GLDC: variants seen among roughly 807,000 people sequenced by gnomAD.
The protein encoded by GLDC is glycine dehydrogenase (decarboxylating), mitochondrial.
GLDC carries 104 observed loss-of-function variants against 121.3 expected under a neutral mutation model. The ratio of observed to expected loss-of-function variants is 0.86; its 90% confidence interval spans 0.73 to 1.01. The LOEUF (loss-of-function observed/expected upper bound fraction) is 1.01, where lower values mean the gene tolerates loss of function less well. GLDC is among the 50% of genes least tolerant of loss of function. The probability of loss-of-function intolerance (pLI) is 0.00; values close to 1 mark genes in which losing one functional copy is unlikely to be tolerated. For synonymous variants in GLDC, 546 were observed against 480.6 expected (o/e 1.14, Z -1.78); for missense variants, 1,429 against 1,306.6 (o/e 1.09, Z -1.44).
intron 2 of GLDC, among the ~76,000 whole-genome samples, chr9:6,621,660 G>A (rs1587973757): frequency 6.6e-6 from 1 of 152,158 alleles, no homozygotes; most frequent in African/African-American, 2.4e-5. Context: ...TGGGACTACA[G>A]TCGCACATCA....
At chr9:6,600,091 G>A (rs1387683707) in intron 8 of GLDC, among the ~76,000 whole-genome samples, 1 of 152,180 alleles carries the variant, frequency 6.6e-6, no homozygotes, top group Non-Finnish European at 1.5e-5. Context: ...CAGTGGCCAG[G>A]CACGGTGGCT....
At chr9:6,642,907 C>CTT (rs141406287) in intron 2 of GLDC, among the ~76,000 whole-genome samples, 12 of 148,362 alleles carry the variant, frequency 8.1e-5, no homozygotes, top group South Asian at 2.2e-4. Context: ...CTTCCTTTCT[C>CTT]TTTTTTTTTT....
At chr9:6,549,878 A>C (rs1296880433) in intron 21 of GLDC, among the ~76,000 whole-genome samples, 1 of 151,718 alleles carries the variant, frequency 6.6e-6, no homozygotes, top group Non-Finnish European at 1.5e-5. Context: ...ATGAATCCCT[A>C]CCCTCCCCTG....
chr9:6,548,732 C>T (rs868649580), intron 21 of GLDC, among the ~76,000 whole-genome samples: 22 of 152,172 alleles, frequency 1.4e-4, no homozygotes, highest in Middle Eastern at 3.2e-3. Flanking sequence ...GCTCCAGGTC[C>T]TGGTCTCTGT....
intron 7 of GLDC, among the ~76,000 whole-genome samples, 169 bp from the exon 8 acceptor site, chr9:6,602,374 C>CT (rs1563855495): frequency 6.6e-6 from 1 of 151,332 alleles, no homozygotes; most frequent in African/African-American, 2.4e-5. Context: ...AACATGATTA[C>CT]TGATTTTTTT....
chr9:6,555,157 G>A (rs1374171623), intron 18 of GLDC, among the ~76,000 whole-genome samples: 4 of 152,188 alleles, frequency 2.6e-5, no homozygotes, highest in Non-Finnish European at 4.4e-5. Flanking sequence ...CCTGAGCAGC[G>A]CTACCTTCCC....
At chr9:6,572,020 G>A (rs1817978767) in intron 15 of GLDC, among the ~76,000 whole-genome samples, 1 of 152,140 alleles carries the variant, frequency 6.6e-6, no homozygotes, top group Admixed American at 6.6e-5. Flanking sequence ...AAGTCTCACA[G>A]CTTATATAAA....
intron 15 of GLDC, among the ~76,000 whole-genome samples, chr9:6,586,185 C>T (rs768990007): frequency 5.3e-5 from 8 of 152,068 alleles, no homozygotes; most frequent in South Asian, 2.1e-4. Context: ...ATCCCAGCTA[C>T]TCGGGAGGCT....
At position 6,606,606 on chromosome 9, in the gene GLDC, G is replaced by A. The variant is rs372130842; in HGVS notation, c.699C>T (p.Val233=). 2.9e-5 allele frequency: 47 copies of A among 1,594,512 alleles called. No homozygotes were observed. The highest frequency in any genetic ancestry group is 4.0e-5 in the Non-Finnish European group (47 of 1,162,438). Residue 233 remains valine (V), a synonymous_variant, in exon 5 of 25, where the codon GTC becomes GTT. Coordinates refer to ENST00000321612, the MANE Select transcript of GLDC (RefSeq NM_000170.3). ...AAATTAATTACTTGGCTCGAGTCTGGACAACAGCTATTGTCTGTGGGTGGC... is the reference window on the plus strand; with the variant it reads ...AAATTAATTACTTGGCTCGAGTCTGAACAACAGCTATTGTCTGTGGGTGGC... The part of the protein sequence containing the change: ...PRCHPQTIAV[V]QTRAKYTGVL...
intron 2 of GLDC, among the ~76,000 whole-genome samples, chr9:6,633,571 AACTG>A (rs1399455994): frequency 1.3e-5 from 2 of 152,032 alleles, no homozygotes; most frequent in Non-Finnish European, 1.5e-5. Context: ...CCCATCTAGA[AACTG>A]ACTGACAGCC....
At chr9:6,633,158 C>A (rs1819425131) in intron 2 of GLDC, among the ~76,000 whole-genome samples, 1 of 152,220 alleles carries the variant, frequency 6.6e-6, no homozygotes, top group African/African-American at 2.4e-5. Flanking sequence ...TGCAGACTTT[C>A]TTCCCTCTTC....
Position 6,645,184 on chromosome 9 carries a change from C to G in GLDC, c.255+61G>C, listed in dbSNP as rs568239267. 29 of 1,478,246 alleles carry G rather than the reference C, an allele frequency of 2.0e-5. No individual in the cohort carries two copies. The South Asian group carries it at 3.5e-4, about 18-fold the overall frequency. 91.6% of individuals were successfully genotyped at this position (1,478,246 alleles called of 1,614,324 possible). A position where few individuals can be genotyped will look rare whatever the true frequency, so the allele number is the denominator to read the frequency against. On this transcript the variant is annotated intron_variant, in intron 1 of 24. Transcript: ENST00000321612. ...GCTCAGGGTAGGAGCCGGGAGGCCG[C>G]GCAGGCAGAGCCCGGGCAGGGCGGA...
At chr9:6,612,810 C>G (rs1315020356) in intron 3 of GLDC, among the ~76,000 whole-genome samples, 1 of 152,024 alleles carries the variant, frequency 6.6e-6, no homozygotes, top group African/African-American at 2.4e-5. Context: ...TGCAGTGAGC[C>G]AAGATCATGC....
At chr9:6,645,148 A>G (rs1819715424) in intron 1 of GLDC, 97 bp downstream of exon 1, 1 of 1,251,230 alleles carries the variant, frequency 8.0e-7, no homozygotes. Flanking sequence ...GACCACGCGG[A>G]GCGCAGCAGA....
intron 7 of GLDC, among the ~76,000 whole-genome samples, chr9:6,603,736 C>T (rs199639755): frequency 0.027 from 3,393 of 124,896 alleles, 95 homozygotes; most frequent in African/African-American, 0.085. Flanking sequence ...CCTTTTTTTT[C>T]TTTTTTTTTT....
chr9:6,615,233 A>G (rs901765133), intron 3 of GLDC, among the ~76,000 whole-genome samples: 6 of 152,180 alleles, frequency 3.9e-5, no homozygotes, highest in Non-Finnish European at 8.8e-5. Flanking sequence ...TTTTGAATTC[A>G]TAAGACATTC....
chr9:6,559,397 C>A (rs1377049843), intron 16 of GLDC, among the ~76,000 whole-genome samples: 1 of 151,058 alleles, frequency 6.6e-6, no homozygotes, highest in Non-Finnish European at 1.5e-5. Flanking sequence ...CGTCTGTAAT[C>A]CCAGTTACTC....
At chr9:6,547,759 T>C (rs1355788215) in intron 21 of GLDC, among the ~76,000 whole-genome samples, 1 of 152,180 alleles carries the variant, frequency 6.6e-6, no homozygotes, top group Admixed American at 6.5e-5. Flanking sequence ...CACAATGGAA[T>C]TGACAGTGCC....
At chr9:6,631,112 C>T (rs892443149) in intron 2 of GLDC, among the ~76,000 whole-genome samples, 1 of 152,200 alleles carries the variant, frequency 6.6e-6, no homozygotes, top group Non-Finnish European at 1.5e-5. Flanking sequence ...GTCAGGGCAG[C>T]GGCACGCAGG....
Sources: allele counts gnomAD v4.1 joint callset (sites outside exome capture counted in the v4.1 genomes callset), GRCh38; gene constraint gnomAD v4.1.1; transcripts MANE v1.5; gene names NCBI Gene and HGNC (gene_info 2026-07-23, HGNC 2026-07-21).